The following SHOC2 variants were observed in gnomAD, a reference collection of about 807,000 sequenced individuals.
The protein encoded by SHOC2 is SHOC2 leucine rich repeat scaffold protein, also known as leucine-rich repeat protein SHOC-2.
SHOC2 carries 4 observed loss-of-function variants against 50.2 expected under a neutral mutation model. That is an observed-to-expected ratio of 0.08 (90% CI 0.04 to 0.18). The LOEUF (loss-of-function observed/expected upper bound fraction) is 0.18. SHOC2 is among the 10% of genes least tolerant of loss of function. The probability of loss-of-function intolerance (pLI) is 1.00; values close to 1 mark genes in which losing one functional copy is unlikely to be tolerated. For missense variants in SHOC2, 388 were observed against 669.6 expected (o/e 0.58, Z 4.64); for synonymous variants, 218 against 244.5 (o/e 0.89, Z 1.01).
At chr10:110,981,546 A>G (rs1258114098) in intron 2 of SHOC2, among the ~76,000 whole-genome samples, 1 of 152,172 alleles carries the variant, frequency 6.6e-6, no homozygotes, top group East Asian at 1.9e-4. Flanking sequence ...AAAATTTTTT[A>G]TGTGTTAGAT....
rs185977319 is a variant in SHOC2 at position 110,997,980 on chromosome 10, T to C, written c.842-2435T>C. ...ATTTTCTGCCAACCCAGCTTTTAAG[T>C]AACATTTTTATTATAGTCTTTTTTT... On this transcript the variant is annotated intron_variant, in intron 3 of 8. Coordinates refer to ENST00000369452, the MANE Select transcript of SHOC2 (RefSeq NM_007373.4). 1.4e-3 allele frequency among the ~76,000 whole-genome samples: 211 copies of C among 150,664 alleles called. 1 individual carries two copies. Among genetic ancestry groups the C allele is most frequent in the African/African-American group, 5.0e-3 (204 of 40,624 alleles).
In SHOC2 at chr10:111,012,291, A is replaced by G. The variant is rs1848580709; in HGVS notation, c.*473A>G. ...GAGATTTGAGATTTAAATTTTATGT[A>G]TTGTTTACAGTCAGAGTAAATCACT... On this transcript the variant is annotated 3_prime_UTR_variant, in exon 9 of 9. Transcript: ENST00000369452. 5.8e-6 allele frequency: 1 copy of G among 172,472 alleles called. No homozygotes were observed. Among genetic ancestry groups the G allele is most frequent in the Admixed American group, 5.6e-5 (1 of 17,738 alleles). The allele number at this position is 172,472 out of a possible 1,614,324, so 10.7% of individuals were successfully genotyped here. A position where few individuals can be genotyped will look rare whatever the true frequency, so the allele number is the denominator to read the frequency against.
chr10:110,931,944 T>A (rs1846903395), intron 1 of SHOC2, among the ~76,000 whole-genome samples: 1 of 152,150 alleles, frequency 6.6e-6, no homozygotes, highest in African/African-American at 2.4e-5. Flanking sequence ...ACCTGCCAAG[T>A]CTAATAATAG....
In SHOC2 at chr10:111,009,695, A is replaced by G. The variant is rs1228751828; in HGVS notation, c.1423-18A>G. On this transcript the variant is annotated intron_variant, in intron 7 of 8. Coordinates refer to ENST00000369452, the MANE Select transcript of SHOC2 (RefSeq NM_007373.4). ...GGAAATATATTTGTAACTCTCTTTTATTTTGTAAATCTTTTAGAAATTAGT... is the reference window on the plus strand; with the variant it reads ...GGAAATATATTTGTAACTCTCTTTTGTTTTGTAAATCTTTTAGAAATTAGT... The G allele has an allele frequency of 1.4e-6, 2 of 1,432,170 alleles. No individual in the cohort carries two copies. The highest frequency in any genetic ancestry group is 2.8e-5 in the African/African-American group (2 of 71,360). The allele number at this position is 1,432,170 out of a possible 1,614,324, so 88.7% of individuals were successfully genotyped here.
intron 2 of SHOC2, among the ~76,000 whole-genome samples, chr10:110,972,596 G>A (rs796823048): frequency 1.1e-4 from 17 of 152,276 alleles, no homozygotes; most frequent in African/African-American, 3.9e-4. Flanking sequence ...ACACAGAATA[G>A]CACTTTGGGA....
intron 1 of SHOC2, among the ~76,000 whole-genome samples, chr10:110,943,401 G>C (rs536156371): frequency 2.0e-5 from 3 of 151,940 alleles, no homozygotes; most frequent in Non-Finnish European, 4.4e-5. Context: ...TTCAACTCCA[G>C]GTTATTTGGT....
chr10:110,935,505 A>G (rs955138754), intron 1 of SHOC2, among the ~76,000 whole-genome samples: 12 of 152,194 alleles, frequency 7.9e-5, no homozygotes, highest in Non-Finnish European at 1.5e-5. Flanking sequence ...TGCTAGTGTG[A>G]ATATCCTGGT....
intron 1 of SHOC2, among the ~76,000 whole-genome samples, chr10:110,946,079 A>G (rs540394083): frequency 6.6e-6 from 1 of 152,234 alleles, no homozygotes; most frequent in South Asian, 2.1e-4. Flanking sequence ...GGCCCTGAGT[A>G]GGATTTTTTT....
chr10:110,948,572 A>G lies in SHOC2; in HGVS notation c.-234-15553A>G, dbSNP rs756144686. ...AAGAGTATGAAACTAGAAATCAATA[A>G]CACCAGGAGGAAAACTGGAAAATTT... On this transcript the variant is annotated intron_variant, in intron 1 of 8. Transcript: ENST00000369452. 3.9e-5 allele frequency among the ~76,000 whole-genome samples: 6 copies of G among 152,202 alleles called. 1 individual carries two copies. The highest frequency in any genetic ancestry group is 1.3e-4 in the Admixed American group (2 of 15,284).
chr10:110,994,310 C>T (rs1338334199), intron 3 of SHOC2, among the ~76,000 whole-genome samples: 1 of 152,110 alleles, frequency 6.6e-6, no homozygotes, highest in Non-Finnish European at 1.5e-5. Flanking sequence ...ACCATCCCTC[C>T]CCATTTTACA....
At chr10:110,958,398 G>C (rs1016639198) in intron 1 of SHOC2, among the ~76,000 whole-genome samples, 3 of 151,998 alleles carry the variant, frequency 2.0e-5, no homozygotes, top group Non-Finnish European at 2.9e-5. Context: ...ATTTTTAATA[G>C]AGACGGGGTT....
At chr10:110,960,127 G>A (rs899123969) in intron 1 of SHOC2, among the ~76,000 whole-genome samples, 5 of 152,198 alleles carry the variant, frequency 3.3e-5, no homozygotes, top group African/African-American at 9.7e-5. Context: ...ACCTGACACT[G>A]ACTTATGACA....
chr10:110,941,030 C>T (rs527785157), intron 1 of SHOC2, among the ~76,000 whole-genome samples: 2 of 150,040 alleles, frequency 1.3e-5, no homozygotes, highest in South Asian at 4.2e-4. Context: ...GTCCTGCGCT[C>T]AAGCAGTCCT....
intron 3 of SHOC2, among the ~76,000 whole-genome samples, chr10:110,995,601 T>C (rs1200951086): frequency 2.0e-5 from 3 of 152,250 alleles, no homozygotes; most frequent in Admixed American, 6.5e-5. Context: ...AGCTGGTGAC[T>C]GTGACAAGTT....
chr10:110,987,845 A>T (rs1293877331), intron 3 of SHOC2, among the ~76,000 whole-genome samples: 1 of 152,192 alleles, frequency 6.6e-6, no homozygotes, highest in Non-Finnish European at 1.5e-5. Context: ...AATCAAATTT[A>T]ATGGAAAATT....
intron 3 of SHOC2, among the ~76,000 whole-genome samples, chr10:110,990,683 C>G (rs886201744): frequency 2.0e-5 from 3 of 151,930 alleles, no homozygotes; most frequent in Admixed American, 2.0e-4. Flanking sequence ...GCAACCCACT[C>G]GGGTCCCCTT....
At chr10:110,958,050 C>G (rs79234314) in intron 1 of SHOC2, among the ~76,000 whole-genome samples, 1 of 152,082 alleles carries the variant, frequency 6.6e-6, no homozygotes, top group Non-Finnish European at 1.5e-5. Context: ...AAAAAAGATC[C>G]GTCTTCTCTA....
In SHOC2 at chr10:111,000,311, A is replaced by T; in HGVS notation, c.842-104A>T. 9.9e-6 allele frequency: 11 copies of T among 1,111,510 alleles called. No individual in the cohort carries two copies. In the South Asian group the frequency reaches 1.4e-4, roughly 14 times the overall value. The allele number at this position is 1,111,510 out of a possible 1,614,324, so 68.9% of individuals were successfully genotyped here. ...TAGAAGTTAAGGAACTTGCTGAAAC[A>T]GTACTTTGAAGTAATTTGTAAATAG... On this transcript the variant is annotated intron_variant, in intron 3 of 8. Coordinates refer to ENST00000369452, the MANE Select transcript of SHOC2 (RefSeq NM_007373.4).
chr10:111,004,491 C>T lies in SHOC2; in HGVS notation c.973-115C>T, dbSNP rs1268005841. On this transcript the variant is annotated intron_variant, in intron 4 of 8. Coordinates refer to ENST00000369452, the MANE Select transcript of SHOC2 (RefSeq NM_007373.4). ...TGTCACAGACTGCCCCAACCAGTCT[C>T]TGTCATTTGTCACCCCCCAAAGCCC... is the stretch of plus-strand genomic sequence containing the variant. 5.4e-6 allele frequency: 4 copies of T among 737,380 alleles called. No homozygotes were observed. The East Asian group carries it at 8.0e-5, about 15-fold the overall frequency. 45.7% of individuals were successfully genotyped at this position (737,380 alleles called of 1,614,324 possible). A position where few individuals can be genotyped will look rare whatever the true frequency, so the allele number is the denominator to read the frequency against.
Sources: allele counts gnomAD v4.1 joint callset (sites outside exome capture counted in the v4.1 genomes callset), GRCh38; gene constraint gnomAD v4.1.1; transcripts MANE v1.5; gene names NCBI Gene and HGNC (gene_info 2026-07-23, HGNC 2026-07-21).